The following ZSCAN23 variants were observed in gnomAD, a reference collection of about 807,000 sequenced individuals.
ZSCAN23 encodes the protein zinc finger and SCAN domain containing 23.
In ZSCAN23, 19 loss-of-function variants were observed where a neutral mutation model predicts 19.3. That is an observed-to-expected ratio of 0.99 (90% CI 0.69 to 1.45). ZSCAN23 has a LOEUF of 1.45. ZSCAN23 is among the 40% of genes most tolerant of loss of function. The pLI, the probability that ZSCAN23 is intolerant of heterozygous loss-of-function variation, is 0.00. For synonymous variants in ZSCAN23, 140 were observed against 166.2 expected (o/e 0.84, Z 1.21); for missense variants, 372 against 462.5 (o/e 0.80, Z 1.79).
chr6:28,431,679 G>A (rs1442652652), downstream of ZSCAN23, among the ~76,000 whole-genome samples: 1 of 130,170 alleles, frequency 7.7e-6, no homozygotes, highest in Non-Finnish European at 1.6e-5. Context: ...GTGGTTTATA[G>A]ACTGCTTTTC....
chr6:28,432,300 T>A (rs61540948), downstream of ZSCAN23, among the ~76,000 whole-genome samples: 3,342 of 152,296 alleles, frequency 0.022, 70 homozygotes, highest in African/African-American at 0.059. Flanking sequence ...AAATCGAGTC[T>A]ACTATATTTT....
chr6:28,426,513 C>G, the ZSCAN23 span, among the ~76,000 whole-genome samples: 1 of 151,870 alleles, frequency 6.6e-6, no homozygotes, highest in Non-Finnish European at 1.5e-5. Context: ...AGCGGTGCCC[C>G]AAAACAATTG....
At chr6:28,439,205 G>A (rs1453865796) in intron 1 of ZSCAN23, among the ~76,000 whole-genome samples, 1 of 151,734 alleles carries the variant, frequency 6.6e-6, no homozygotes, top group Non-Finnish European at 1.5e-5. Context: ...TCTCCCCTCA[G>A]CCTCCTGAGT....
chr6:28,435,787 AC>A, intron 2 of ZSCAN23, 71 bp downstream of exon 2: 1 of 1,466,308 alleles, frequency 6.8e-7, no homozygotes, highest in African/African-American at 1.4e-5. Flanking sequence ...CTCCTCCTCT[AC>A]CTTTTCTTGT....
At chr6:28,435,789 CT>C in intron 2 of ZSCAN23, 69 bp downstream of exon 2, 1 of 1,470,442 alleles carries the variant, frequency 6.8e-7, no homozygotes. Flanking sequence ...CCTCCTCTAC[CT>C]TTTCTTGTTG....
At chr6:28,438,476 C>A (rs1004299247) in intron 1 of ZSCAN23, among the ~76,000 whole-genome samples, 1 of 152,142 alleles carries the variant, frequency 6.6e-6, no homozygotes, top group Non-Finnish European at 1.5e-5. Context: ...AGTCTGTTCT[C>A]AAGCTGCTAC....
chr6:28,443,027 C>T (rs1356754918), intron 1 of ZSCAN23, among the ~76,000 whole-genome samples: 1 of 152,098 alleles, frequency 6.6e-6, no homozygotes, highest in Admixed American at 6.5e-5. Context: ...TAAAACTATC[C>T]CTGCTCATTC....
intron 1 of ZSCAN23, among the ~76,000 whole-genome samples, chr6:28,440,888 G>C (rs1466121420): frequency 3.3e-5 from 5 of 152,028 alleles, no homozygotes; most frequent in Non-Finnish European, 7.4e-5. Flanking sequence ...CCAGATCCTT[G>C]CACCAGCATA....
At chr6:28,426,831 CAG>C in the ZSCAN23 span, among the ~76,000 whole-genome samples, 10 of 152,226 alleles carry the variant, frequency 6.6e-5, no homozygotes, top group Non-Finnish European at 1.3e-4. Context: ...TTGTTTGAGA[CAG>C]AGTTTTTTCT....
chr6:28,428,767 G>A (rs1418687402), downstream of ZSCAN23, among the ~76,000 whole-genome samples: 2 of 152,112 alleles, frequency 1.3e-5, no homozygotes, highest in Non-Finnish European at 2.9e-5. Context: ...CAACTACTGT[G>A]CATTGCCACA....
intron 1 of ZSCAN23, among the ~76,000 whole-genome samples, chr6:28,442,905 G>C (rs1327578132): frequency 6.6e-6 from 1 of 152,178 alleles, no homozygotes; most frequent in Admixed American, 6.5e-5. Context: ...AAAGTGCTTA[G>C]AACAGTGCTG....
chr6:28,432,127 A>G (rs1418573018), downstream of ZSCAN23: 1 of 152,224 alleles, frequency 6.6e-6, no homozygotes, highest in Non-Finnish European at 1.5e-5. Context: ...AGGCAATAAA[A>G]GACAGAAAGA....
chr6:28,425,704 C>G, the ZSCAN23 span, among the ~76,000 whole-genome samples: 2 of 152,188 alleles, frequency 1.3e-5, no homozygotes, highest in African/African-American at 4.8e-5. Flanking sequence ...TAGCTCCTAT[C>G]AAGAAAGGCA....
chr6:28,425,640 G>C, the ZSCAN23 span, among the ~76,000 whole-genome samples: 1 of 152,096 alleles, frequency 6.6e-6, no homozygotes, highest in Admixed American at 6.6e-5. Flanking sequence ...AGGACTCTAG[G>C]ATTTTCAGCT....
rs1258903387 is a variant in ZSCAN23, at chr6:28,443,447, C to A, written c.-126G>T. On this transcript the variant is annotated 5_prime_UTR_variant, in exon 1 of 4. Coordinates refer to ENST00000289788, the MANE Select transcript of ZSCAN23 (RefSeq NM_001012455.2). ...CCACCTAGCGCAGATCACATCTGCT[C>A]TGAATCCTTGACAACCGCAGCCCAA... 1 of 152,250 alleles carries A rather than the reference C, an allele frequency of 6.6e-6. No homozygotes were observed. Among genetic ancestry groups the A allele is most frequent in the Non-Finnish European group, 1.5e-5 (1 of 68,044 alleles). The allele number at this position is 152,250 out of a possible 1,614,324, so 9.4% of individuals were successfully genotyped here.
At chr6:28,428,856 T>G (rs1561974734), downstream of ZSCAN23, among the ~76,000 whole-genome samples, 1 of 152,190 alleles carries the variant, frequency 6.6e-6, no homozygotes, top group Non-Finnish European at 1.5e-5. Flanking sequence ...GGCCAGGAAG[T>G]GTGCATACAA....
chr6:28,439,566 G>A (rs1761961142), intron 1 of ZSCAN23, among the ~76,000 whole-genome samples: 1 of 152,162 alleles, frequency 6.6e-6, no homozygotes, highest in African/African-American at 2.4e-5. Context: ...GGATACAGCT[G>A]CAATTATAAC....
Position 28,435,971 on chromosome 6 carries a change from A to G in ZSCAN23, c.296T>C (p.Ile99Thr), listed in dbSNP as rs1361869813. The G allele has an allele frequency of 1.2e-6, 2 of 1,614,190 alleles. No homozygotes were observed. The highest frequency in any genetic ancestry group is 1.7e-5 in the Admixed American group (1 of 60,024). ...CCAGGCCTGGAGCTCCTCAGGCAGGATAGTCAGGAACTGCTCCAGCACCAG... is the reference window on the plus strand; with the variant it reads ...CCAGGCCTGGAGCTCCTCAGGCAGGGTAGTCAGGAACTGCTCCAGCACCAG... ...ELLVLEQFLTILPEELQAWVR... is the reference protein window; with the variant it reads ...ELLVLEQFLTTLPEELQAWVR... The change falls in exon 2 of 4, where the codon ATC becomes ACC. Residue 99 changes from isoleucine (I) to threonine (T), a missense_variant. By Grantham distance (89) the Ile-to-Thr change is moderately conservative. Transcript: ENST00000289788.
chr6:28,438,597 A>G (rs1761938902), intron 1 of ZSCAN23, among the ~76,000 whole-genome samples: 1 of 152,216 alleles, frequency 6.6e-6, no homozygotes, highest in Non-Finnish European at 1.5e-5. Context: ...TGGAAGGGGA[A>G]GCAAACATGT....
Sources: gnomAD v4.1 joint callset for allele counts (sites outside exome capture counted in the v4.1 genomes callset) on GRCh38, gnomAD v4.1.1 for gene constraint, MANE v1.5 for transcripts, NCBI Gene and HGNC (gene_info 2026-07-23, HGNC 2026-07-21) for gene names.